MBOAT1: variants seen among roughly 807,000 people sequenced by gnomAD.
MBOAT1 encodes the protein membrane-bound glycerophospholipid O-acyltransferase 1.
A neutral mutation model predicts 64.4 loss-of-function variants in MBOAT1; 67 were observed. The observed-to-expected ratio is 1.04, with a 90% CI of 0.85 to 1.27. MBOAT1 has a LOEUF of 1.27. Among genes scored for constraint, MBOAT1 ranks in the 50% most tolerant of loss-of-function variants. The pLI is 0.00. For synonymous variants in MBOAT1, 229 were observed against 218.9 expected (o/e 1.05, Z -0.41); for missense variants, 563 against 604.6 (o/e 0.93, Z 0.72).
Position 20,196,904 on chromosome 6 carries a change from A to G in MBOAT1, c.99+15232T>C, listed in dbSNP as rs570184032. On this transcript the variant is annotated intron_variant, in intron 1 of 12. Transcript: ENST00000324607. Reference sequence around the variant, plus strand: ...AAACAAAAAAAAAACTGAACTGTACACTTTAAACAGGGGAATTACAAGGTA... The same window carrying G: ...AAACAAAAAAAAAACTGAACTGTACGCTTTAAACAGGGGAATTACAAGGTA... 4.6e-5 allele frequency among the ~76,000 whole-genome samples: 7 copies of G among 152,136 alleles called. No homozygotes were observed. In the South Asian group the frequency reaches 8.3e-4, roughly 18 times the overall value.
intron 12 of MBOAT1, among the ~76,000 whole-genome samples, chr6:20,102,862 A>G (rs1211498635): frequency 1.3e-5 from 2 of 152,202 alleles, no homozygotes; most frequent in African/African-American, 4.8e-5. Flanking sequence ...AAAAATTCCT[A>G]TCACCTAGTG....
chr6:20,200,107 T>C (rs921731428), intron 1 of MBOAT1, among the ~76,000 whole-genome samples: 2 of 152,136 alleles, frequency 1.3e-5, no homozygotes, highest in African/African-American at 4.8e-5. Context: ...AAATAGAAGC[T>C]CTTTGCAAGA....
At chr6:20,208,610 T>G (rs1170993301) in intron 1 of MBOAT1, among the ~76,000 whole-genome samples, 2 of 152,104 alleles carry the variant, frequency 1.3e-5, no homozygotes, top group African/African-American at 4.8e-5. Context: ...ACCTTCGCTG[T>G]TTTAATCTCA....
intron 1 of MBOAT1, among the ~76,000 whole-genome samples, chr6:20,188,379 C>A (rs1561781913): frequency 1.3e-5 from 2 of 152,168 alleles, no homozygotes; most frequent in Non-Finnish European, 2.9e-5. Flanking sequence ...TGAAGACCCT[C>A]AGCACATTCC....
rs531866346 is a variant in MBOAT1 at position 20,196,726 on chromosome 6, T to C, written c.99+15410A>G. On this transcript the variant is annotated intron_variant, in intron 1 of 12. Transcript: ENST00000324607. Reference sequence around the variant, plus strand: ...AAACACAAAAATTAGCTGGGCATGATGGTGCATGTCTGTAATCCCAGCTAC... The same window carrying C: ...AAACACAAAAATTAGCTGGGCATGACGGTGCATGTCTGTAATCCCAGCTAC... Among the ~76,000 whole-genome samples the C allele has an allele frequency of 3.9e-5, 6 of 152,152 alleles. No homozygotes were observed. In the South Asian group the frequency reaches 1.2e-3, roughly 32 times the overall value.
At chr6:20,205,528 C>G (rs955546219) in intron 1 of MBOAT1, among the ~76,000 whole-genome samples, 3 of 152,122 alleles carry the variant, frequency 2.0e-5, no homozygotes, top group Admixed American at 6.5e-5. Flanking sequence ...ATCGTCAAAT[C>G]TAGCCACTAG....
intron 12 of MBOAT1, among the ~76,000 whole-genome samples, chr6:20,104,817 G>C (rs78017505): frequency 3.3e-5 from 5 of 152,154 alleles, no homozygotes; most frequent in African/African-American, 1.2e-4. Context: ...TGAAGAGCTC[G>C]AACAGAAGCA....
At chr6:20,138,923 G>A (rs910673728) in intron 4 of MBOAT1, among the ~76,000 whole-genome samples, 8 of 152,136 alleles carry the variant, frequency 5.3e-5, no homozygotes, top group African/African-American at 1.9e-4. Flanking sequence ...CTCCTTCCTT[G>A]CTTCCGGTGA....
intron 1 of MBOAT1, among the ~76,000 whole-genome samples, chr6:20,177,955 A>G (rs1448363051): frequency 6.6e-6 from 1 of 152,014 alleles, no homozygotes; most frequent in Non-Finnish European, 1.5e-5. Flanking sequence ...CAGTTCCCCT[A>G]AATTCCTCCT....
intron 1 of MBOAT1, among the ~76,000 whole-genome samples, 175 bp from the exon 2 acceptor site, chr6:20,152,944 T>C (rs1385051265): frequency 6.6e-6 from 1 of 152,202 alleles, no homozygotes; most frequent in East Asian, 1.9e-4. Flanking sequence ...GTCATTCTCC[T>C]GCCTCAGCCT....
intron 11 of MBOAT1, among the ~76,000 whole-genome samples, chr6:20,110,833 C>T (rs1039601497): frequency 5.9e-5 from 9 of 152,074 alleles, no homozygotes; most frequent in East Asian, 5.8e-4. Flanking sequence ...GCTTGTCTGC[C>T]CATCCCATTT....
chr6:20,112,272 C>T (rs1426500704), intron 11 of MBOAT1, among the ~76,000 whole-genome samples: 2 of 152,008 alleles, frequency 1.3e-5, no homozygotes, highest in Admixed American at 1.3e-4. Context: ...TCCTGCTCTA[C>T]AACAAGCAAA....
At position 20,102,295 on chromosome 6, in the gene MBOAT1, T is replaced by C; in HGVS notation, c.1479A>G (p.Lys493=). The change falls in exon 13 of 13, where the codon AAA becomes AAG. Residue 493 remains lysine (K), a synonymous_variant. Coordinates refer to ENST00000324607, the MANE Select transcript of MBOAT1 (RefSeq NM_001080480.3). Reference sequence around the variant, plus strand: ...GCTTCTCTTGGAGGTATCAATCTGTTTTTCTCTTATTAATAGAGTTCAGAG... The same window carrying C: ...GCTTCTCTTGGAGGTATCAATCTGTCTTTCTCTTATTAATAGAGTTCAGAG... ...PQTLNSINKR[K]TD 6.2e-7 allele frequency: 1 copy of C among 1,613,290 alleles called. No individual in the cohort carries two copies. The highest frequency in any genetic ancestry group is 8.5e-7 in the Non-Finnish European group (1 of 1,179,784).
intron 1 of MBOAT1, among the ~76,000 whole-genome samples, chr6:20,193,994 A>G (rs1268355809): frequency 6.6e-6 from 1 of 152,210 alleles, no homozygotes; most frequent in Non-Finnish European, 1.5e-5. Context: ...TCTAATCACA[A>G]ACATATAACA....
rs149062726 is a variant in MBOAT1 at position 20,151,210 on chromosome 6, T to C, written c.298A>G (p.Thr100Ala). 28 of 1,613,326 alleles carry C rather than the reference T, an allele frequency of 1.7e-5. No individual in the cohort carries two copies. Among genetic ancestry groups the C allele is most frequent in the Non-Finnish European group, 2.2e-5 (26 of 1,179,540 alleles). Residue 100 changes from threonine (T) to alanine (A), a missense_variant, in exon 3 of 13, where the codon ACT becomes GCT. By Grantham distance (58) the Thr-to-Ala change is moderately conservative (BLOSUM62 0). Transcript: ENST00000324607. ...LVLMCYAIMV[T>A]ASVSNIHRYS... ...CTGTGAATATTGGATACACTAGCAG[T>C]GACCATGATTGCATAGCACATTAAC...
chr6:20,102,508 A>G, intron 12 of MBOAT1, 96 bp from the exon 13 acceptor site: 1 of 1,072,026 alleles, frequency 9.3e-7, no homozygotes, highest in Non-Finnish European at 1.3e-6. Context: ...AAGTGAGAGC[A>G]CCGCTTTTGG....
chr6:20,164,174 TACACACACACACACACAC>T (rs35199956), intron 1 of MBOAT1, among the ~76,000 whole-genome samples: 2 of 147,476 alleles, frequency 1.4e-5, no homozygotes, highest in South Asian at 2.2e-4. Flanking sequence ...TATGTGCATG[TACACACACACACACACAC>T]ACACACACAC....
At chr6:20,193,001 T>TTTC (rs1762848523) in intron 1 of MBOAT1, among the ~76,000 whole-genome samples, 1 of 82,614 alleles carries the variant, frequency 1.2e-5, no homozygotes, top group African/African-American at 4.0e-5. Flanking sequence ...ATTTCTTTTT[T>TTTC]TTTTTTTTTT....
rs181499968 is a variant in MBOAT1, at chr6:20,211,717, A to G, written c.99+419T>C. On this transcript the variant is annotated intron_variant, in intron 1 of 12. Transcript: ENST00000324607. ...CAGGTCCTGCATTCAAAATCTATAG[A>G]CTACCGTCTACAGATTCATCGCGCT... is the stretch of plus-strand genomic sequence containing the variant. Among the ~76,000 whole-genome samples the G allele has an allele frequency of 3.3e-5, 5 of 152,166 alleles. No homozygotes were observed. The East Asian group carries it at 9.7e-4, about 29-fold the overall frequency.
Sources: gnomAD v4.1 joint callset for allele counts (sites outside exome capture counted in the v4.1 genomes callset) on GRCh38, gnomAD v4.1.1 for gene constraint, MANE v1.5 for transcripts, NCBI Gene and HGNC (gene_info 2026-07-23, HGNC 2026-07-21) for gene names.